Variants in GLI3 observed in about 807,000 individuals in gnomAD.
GLI3 encodes the protein transcription activator GLI3.
In GLI3, 20 loss-of-function variants were observed where a neutral mutation model predicts 100.8. The observed-to-expected ratio is 0.20, with a 90% CI of 0.14 to 0.29. The LOEUF (loss-of-function observed/expected upper bound fraction) is 0.29, where lower values mean the gene tolerates loss of function less well. Ranked by LOEUF, GLI3 falls within the 10% of genes least tolerant of loss-of-function variation. The pLI is 1.00. For missense variants in GLI3, 2,040 were observed against 2,128.5 expected, an observed-to-expected ratio of 0.96 and a Z score of 0.82; for synonymous variants, 938 against 860.5, an observed-to-expected ratio of 1.09 and a Z score of -1.58.
chr7:42,263,736 C>T (rs971886748), intron 1 of GLI3, among the ~76,000 whole-genome samples: 2 of 152,132 alleles, frequency 1.3e-5, no homozygotes, highest in African/African-American at 4.8e-5. Flanking sequence ...GCGTGAGCCA[C>T]CGCACCCCAC....
intron 2 of GLI3, among the ~76,000 whole-genome samples, chr7:42,155,992 G>A (rs1418747933): frequency 6.6e-6 from 1 of 152,114 alleles, no homozygotes; most frequent in Non-Finnish European, 1.5e-5. Context: ...CCGGGAGGAT[G>A]CTTCTGAACA....
chr7:42,264,244 G>T (rs1438888631), upstream of GLI3, among the ~76,000 whole-genome samples: 3 of 152,306 alleles, frequency 2.0e-5, no homozygotes, highest in South Asian at 6.2e-4. Flanking sequence ...ATGCCAGTTA[G>T]GGCTCAAACC....
intron 10 of GLI3, among the ~76,000 whole-genome samples, chr7:41,998,534 T>C (rs1788195762): frequency 6.6e-6 from 1 of 152,154 alleles, no homozygotes; most frequent in South Asian, 2.1e-4. Context: ...CAAAAATAAA[T>C]TTCACCTCTA....
intron 1 of GLI3, among the ~76,000 whole-genome samples, chr7:42,246,850 T>A (rs1788981765): frequency 7.0e-6 from 1 of 142,690 alleles, no homozygotes; most frequent in East Asian, 2.1e-4. Context: ...ACGATATCCT[T>A]TCTGCTGGGA....
At chr7:41,981,959 C>CA (rs1178524903) in intron 10 of GLI3, among the ~76,000 whole-genome samples, 2 of 152,092 alleles carry the variant, frequency 1.3e-5, no homozygotes, top group African/African-American at 2.4e-5. Flanking sequence ...CACCAGTCAG[C>CA]AAGCATGAAC....
At chr7:41,989,795 G>A (rs1457465383) in intron 10 of GLI3, among the ~76,000 whole-genome samples, 1 of 151,894 alleles carries the variant, frequency 6.6e-6, no homozygotes, top group Non-Finnish European at 1.5e-5. Context: ...TACTTTAGGA[G>A]GCTGAGGCGG....
chr7:42,214,618 T>A (rs1313786610), intron 2 of GLI3, among the ~76,000 whole-genome samples: 8 of 141,116 alleles, frequency 5.7e-5, no homozygotes, highest in Admixed American at 4.9e-4. Context: ...CCAATCTATA[T>A]AAGTAAAGAA....
Position 41,966,292 on chromosome 7 carries a change from G to A in GLI3, c.2781C>T (p.Tyr927=). 2 of 1,608,114 alleles carry A rather than the reference G, an allele frequency of 1.2e-6. No individual in the cohort carries two copies. The highest frequency in any genetic ancestry group is 2.2e-5 in the South Asian group (2 of 91,026). ...SLLSLTPAQQ[Y]RLKAKYAAAT... Reference sequence around the variant, plus strand: ...CAGCCGCGTACTTGGCCTTGAGGCGGTACTGCTGGGCGGGCGTGAGGCTGA... The same window carrying A: ...CAGCCGCGTACTTGGCCTTGAGGCGATACTGCTGGGCGGGCGTGAGGCTGA... Residue 927 remains tyrosine, a synonymous_variant, in exon 15 of 15, where the codon TAC becomes TAT. Coordinates refer to ENST00000395925, the MANE Select transcript of GLI3 (RefSeq NM_000168.6). The surrounding 1 kb of genome is among the most constrained non-coding windows in gnomAD (Gnocchi z 5.8).
chr7:42,209,623 A>G (rs2128696444), intron 2 of GLI3, among the ~76,000 whole-genome samples: 1 of 152,280 alleles, frequency 6.6e-6, no homozygotes, highest in Non-Finnish European at 1.5e-5. Flanking sequence ...CAAGAATATC[A>G]AGGGAGAGAG....
chr7:42,198,740 C>A (rs1470550281), intron 2 of GLI3, among the ~76,000 whole-genome samples: 4 of 151,596 alleles, frequency 2.6e-5, no homozygotes, highest in Non-Finnish European at 2.9e-5. Context: ...AACTTTGATA[C>A]CTCCTTGAGA....
chr7:42,202,570 G>A (rs1788069092), intron 2 of GLI3, among the ~76,000 whole-genome samples: 1 of 152,196 alleles, frequency 6.6e-6, no homozygotes, highest in Non-Finnish European at 1.5e-5. Context: ...GCAAGGTTAT[G>A]GGTTTCATGT....
At chr7:42,147,474 T>G (rs1786741848) in intron 3 of GLI3, among the ~76,000 whole-genome samples, 1 of 152,210 alleles carries the variant, frequency 6.6e-6, no homozygotes, top group African/African-American at 2.4e-5. Context: ...AGCTGCAAGC[T>G]TTGGCACCTC....
chr7:42,194,413 A>G (rs1787885303), intron 2 of GLI3, among the ~76,000 whole-genome samples: 1 of 152,186 alleles, frequency 6.6e-6, no homozygotes, highest in Admixed American at 6.5e-5. Context: ...TGTTGTCCCA[A>G]GGGGTTCAGG....
intron 1 of GLI3, among the ~76,000 whole-genome samples, chr7:42,235,618 C>T (rs1196652160): frequency 6.6e-6 from 1 of 152,172 alleles, no homozygotes; most frequent in Non-Finnish European, 1.5e-5. Context: ...ATACTGTGCT[C>T]TGGAAAGCCT....
In GLI3 at chr7:42,254,768, G is replaced by T. The variant is rs999796299; in HGVS notation, c.-43+9226C>A. On this transcript the variant is annotated intron_variant, in intron 1 of 2. Transcript: ENST00000678978. Reference sequence around the variant, plus strand: ...CTGCCCACTGCCTCTTCCACTTTTCGGTCTGTTCTCTGTGTTTCTCTCTGC... The same window carrying T: ...CTGCCCACTGCCTCTTCCACTTTTCTGTCTGTTCTCTGTGTTTCTCTCTGC... Among the ~76,000 whole-genome samples the T allele has an allele frequency of 3.0e-5, 4 of 131,724 alleles. No individual in the cohort carries two copies. In the East Asian group the frequency reaches 9.0e-4, roughly 29 times the overall value. 86.4% of individuals were successfully genotyped at this position (131,724 alleles called of 152,430 possible).
chr7:41,996,629 G>C (rs565985761), intron 10 of GLI3, among the ~76,000 whole-genome samples: 56 of 152,146 alleles, frequency 3.7e-4, no homozygotes, highest in Non-Finnish European at 5.3e-4. Context: ...TATGGGGAAA[G>C]AATTATCTAA....
chr7:41,981,816 G>T (rs1283749051), intron 10 of GLI3, among the ~76,000 whole-genome samples: 2 of 152,178 alleles, frequency 1.3e-5, no homozygotes, highest in African/African-American at 2.4e-5. Flanking sequence ...GAGCAGAGAA[G>T]GGAGAACTGG....
In GLI3 at chr7:42,216,195, A is replaced by C. The variant is rs576630654; in HGVS notation, c.124+6935T>G. On this transcript the variant is annotated intron_variant, in intron 2 of 14. Coordinates refer to ENST00000395925, the MANE Select transcript of GLI3 (RefSeq NM_000168.6). ...CATGTCCCCTGCCCTCCTGTCTCAA[A>C]GTGTTGTAATTTGCAGGTTTATTCA... 3.9e-5 allele frequency among the ~76,000 whole-genome samples: 6 copies of C among 152,250 alleles called. No homozygotes were observed. In the South Asian group the frequency reaches 1.2e-3, roughly 32 times the overall value.
At chr7:42,064,743 GT>G (rs1228861674) in intron 4 of GLI3, among the ~76,000 whole-genome samples, 12 of 152,190 alleles carry the variant, frequency 7.9e-5, no homozygotes, top group African/African-American at 2.7e-4. Flanking sequence ...TGGGGGTTCT[GT>G]TTGCAGAGCC....
Sources: allele counts gnomAD v4.1 joint callset (sites outside exome capture counted in the v4.1 genomes callset), GRCh38; gene constraint gnomAD v4.1.1; non-coding constraint Gnocchi (gnomAD v3.1); transcripts MANE v1.5; gene names NCBI Gene and HGNC (gene_info 2026-07-23, HGNC 2026-07-21).